The following DPF3 variants were observed in gnomAD, a reference collection of about 807,000 sequenced individuals.
The protein encoded by DPF3 is double PHD fingers 3, also known as zinc finger protein DPF3.
DPF3 carries 18 observed loss-of-function variants against 56.8 expected under a neutral mutation model. That is an observed-to-expected ratio of 0.32 (90% confidence interval 0.22 to 0.47). DPF3 has a LOEUF of 0.47. Ranked by LOEUF, DPF3 falls within the 20% of genes least tolerant of loss-of-function variation. The pLI, the probability that DPF3 is intolerant of heterozygous loss-of-function variation, is 1.00. For synonymous variants in DPF3, 188 were observed against 180.2 expected, an observed-to-expected ratio of 1.04 and a Z score of -0.35; for missense variants, 403 against 488.8, an observed-to-expected ratio of 0.82 and a Z score of 1.65.
intron 1 of DPF3, among the ~76,000 whole-genome samples, chr14:72,875,788 A>G (rs10483850): frequency 0.079 from 12,043 of 152,202 alleles, 641 homozygotes; most frequent in South Asian, 0.13. Flanking sequence ...TGGCCAGCAC[A>G]CAGGTAGACA....
chr14:72,686,160 A>T (rs1291443998), intron 7 of DPF3, among the ~76,000 whole-genome samples: 1 of 152,248 alleles, frequency 6.6e-6, no homozygotes, highest in Non-Finnish European at 1.5e-5. Flanking sequence ...TGCCAGGGCC[A>T]GGTCAGGCTC....
chr14:72,808,448 G>A (rs574192891), intron 1 of DPF3, among the ~76,000 whole-genome samples: 51 of 152,294 alleles, frequency 3.3e-4, no homozygotes, highest in African/African-American at 9.9e-4. Flanking sequence ...AGTCCTTGGT[G>A]TAATACTACA....
intron 1 of DPF3, among the ~76,000 whole-genome samples, chr14:72,888,667 T>C (rs1886640384): frequency 6.6e-6 from 1 of 152,220 alleles, no homozygotes; most frequent in Admixed American, 6.5e-5. Context: ...ACTACCTTCA[T>C]ATTTAAAGAC....
chr14:72,632,480 A>G (rs574659315), intron 8 of DPF3, among the ~76,000 whole-genome samples: 2 of 152,224 alleles, frequency 1.3e-5, no homozygotes, highest in Admixed American at 6.5e-5. Flanking sequence ...AGCTATAATT[A>G]TGTCAAAATA....
chr14:72,652,576 C>A (rs1382670859), intron 8 of DPF3, among the ~76,000 whole-genome samples: 1 of 152,176 alleles, frequency 6.6e-6, no homozygotes, highest in African/African-American at 2.4e-5. Context: ...TAGAGCCAAC[C>A]TTCTCAACCT....
intron 1 of DPF3, among the ~76,000 whole-genome samples, chr14:72,810,897 A>C (rs1883016513): frequency 6.6e-6 from 1 of 152,230 alleles, no homozygotes; most frequent in Non-Finnish European, 1.5e-5. Context: ...GAGTTAGTCC[A>C]TTTGTATTAC....
At chr14:72,893,772 C>T (rs994247318) in intron 1 of DPF3, among the ~76,000 whole-genome samples, 1 of 152,152 alleles carries the variant, frequency 6.6e-6, no homozygotes, top group Non-Finnish European at 1.5e-5. Flanking sequence ...GTAGAGCGCT[C>T]GAGCGCCGGG....
rs1220290267 is a variant in DPF3 at position 72,884,948 on chromosome 14, A to ATG, written c.32+9108_32+9109insCA. Among the ~76,000 whole-genome samples the ATG allele has an allele frequency of 1.7e-4, 14 of 80,816 alleles. 1 individual carries two copies. Among genetic ancestry groups the ATG allele is most frequent in the Admixed American group, 5.6e-4 (4 of 7,102 alleles). The allele number at this position is 80,816 out of a possible 152,430, so 53.0% of individuals were successfully genotyped here. A position where few individuals can be genotyped will look rare whatever the true frequency, so the allele number is the denominator to read the frequency against. Reference sequence around the variant, plus strand: ...CGTCTCTACTAAAAATACTATATATATATATATATATATATATATATATTA... The same window carrying ATG: ...CGTCTCTACTAAAAATACTATATATATGTATATATATATATATATATATATTA... On this transcript the variant is annotated intron_variant, in intron 1 of 10. Coordinates refer to ENST00000556509, the MANE Select transcript of DPF3 (RefSeq NM_001280542.3).
chr14:72,739,178 G>A (rs1275588180), intron 3 of DPF3, among the ~76,000 whole-genome samples: 1 of 151,574 alleles, frequency 6.6e-6, no homozygotes, highest in African/African-American at 2.4e-5. Context: ...GAAGGGGGAG[G>A]TTGCAGTGAG....
chr14:72,723,725 C>T lies in DPF3; in HGVS notation c.433G>A (p.Val145Ile). The stretch of plus-strand genomic sequence containing the variant: ...TCTACATTTTCATCATTTTCCAAAA[C>T]CCTCTGAAATGAAAAAAAAAAATAG... ...EEESIQEIQRVLENDENVEEG... is the reference protein window; with the variant it reads ...EEESIQEIQRILENDENVEEG... The change falls in exon 5 of 11, where the codon GTT (valine) becomes ATT (isoleucine). Residue 145 changes from valine to isoleucine, a missense_variant. This residue lies in a region of DPF3 where 340 missense variants were observed against 374.3 expected (regional missense o/e 0.91). Transcript: ENST00000556509. 1 of 1,568,934 alleles carries T rather than the reference C, an allele frequency of 6.4e-7. No homozygotes were observed. Among genetic ancestry groups the T allele is most frequent in the East Asian group, 2.3e-5 (1 of 43,398 alleles).
In DPF3 at chr14:72,741,886, G is replaced by A. The variant is rs76384975; in HGVS notation, c.302-9952C>T. The stretch of plus-strand genomic sequence containing the variant: ...CCAGGTCCCACTGCAAAACATGACC[G>A]TGGACACTCAGCAGCAGCCGTGCCA... On this transcript the variant is annotated intron_variant, in intron 3 of 10. Coordinates refer to ENST00000556509, the MANE Select transcript of DPF3 (RefSeq NM_001280542.3). 3.2e-3 allele frequency among the ~76,000 whole-genome samples: 484 copies of A among 152,154 alleles called. 4 individuals carry two copies. Among genetic ancestry groups the A allele is most frequent in the African/African-American group, 0.011 (457 of 41,554 alleles).
intron 8 of DPF3, among the ~76,000 whole-genome samples, chr14:72,651,178 C>T (rs2153568552): frequency 6.6e-6 from 1 of 152,324 alleles, no homozygotes; most frequent in South Asian, 2.1e-4. Context: ...TGGCCCTGGC[C>T]CCTGAGGGAG....
At chr14:72,778,795 T>A (rs1043681812) in intron 1 of DPF3, among the ~76,000 whole-genome samples, 2 of 152,158 alleles carry the variant, frequency 1.3e-5, no homozygotes, top group African/African-American at 4.8e-5. Context: ...CAATCCCCTT[T>A]CCTTCCACAT....
chr14:72,824,451 G>C (rs372798196), intron 1 of DPF3, among the ~76,000 whole-genome samples: 1 of 152,004 alleles, frequency 6.6e-6, no homozygotes, highest in East Asian at 1.9e-4. Flanking sequence ...CATCTCCTCT[G>C]GGAAGTTCTC....
chr14:72,716,219 G>A (rs958925471), intron 5 of DPF3, among the ~76,000 whole-genome samples: 1 of 152,122 alleles, frequency 6.6e-6, no homozygotes, highest in African/African-American at 2.4e-5. Context: ...GGAGCTGCCA[G>A]CAGGAAAGGG....
intron 6 of DPF3, among the ~76,000 whole-genome samples, chr14:72,695,725 T>C (rs556885901): frequency 1.3e-5 from 2 of 152,278 alleles, no homozygotes; most frequent in South Asian, 4.1e-4. Flanking sequence ...AGGGCAAGGC[T>C]TGAAAACCTA....
chr14:72,868,578 T>G (rs1384786938), intron 1 of DPF3, among the ~76,000 whole-genome samples: 1 of 152,126 alleles, frequency 6.6e-6, no homozygotes, highest in African/African-American at 2.4e-5. Flanking sequence ...GTGCCCCTCC[T>G]GTAGGTAGTC....
At chr14:72,884,941 T>TAC (rs2140129096) in intron 1 of DPF3, among the ~76,000 whole-genome samples, 1 of 25,538 alleles carries the variant, frequency 3.9e-5, no homozygotes, top group South Asian at 1.5e-3. Flanking sequence ...CTAAAAATAC[T>TAC]ATATATATAT....
chr14:72,783,181 C>T (rs1318345380), intron 1 of DPF3, among the ~76,000 whole-genome samples: 2 of 152,106 alleles, frequency 1.3e-5, no homozygotes, highest in Non-Finnish European at 2.9e-5. Flanking sequence ...GGAAGTAGCC[C>T]ACCCCACCCC....
Sources: allele counts gnomAD v4.1 joint callset (sites outside exome capture counted in the v4.1 genomes callset), GRCh38; gene constraint gnomAD v4.1.1; regional missense constraint gnomAD v4.1.1; transcripts MANE v1.5; gene names NCBI Gene and HGNC (gene_info 2026-07-23, HGNC 2026-07-21).